NNMT: variants seen among roughly 807,000 people sequenced by gnomAD.
NNMT encodes the protein nicotinamide N-methyltransferase.
In NNMT, 10 loss-of-function variants were observed where a neutral mutation model predicts 11.7. The ratio of observed to expected loss-of-function variants is 0.85; its 90% confidence interval spans 0.53 to 1.45. The LOEUF is 1.45. Ranked by LOEUF, NNMT falls within the 40% of genes most tolerant of loss-of-function variation. The pLI is 0.00. For missense variants in NNMT, 381 were observed against 319.4 expected (o/e 1.19, Z -1.47); for synonymous variants, 143 against 133.8 (o/e 1.07, Z -0.48).
At chr11:114,295,512 C>T (rs1945367527), upstream of NNMT, among the ~76,000 whole-genome samples, 2 of 149,802 alleles carry the variant, frequency 1.3e-5, no homozygotes, top group South Asian at 2.1e-4. Flanking sequence ...GCAAGCTCCG[C>T]CCCCCGGGTT....
At chr11:114,299,798 T>A (rs1314153733) in intron 2 of NNMT, among the ~76,000 whole-genome samples, 1 of 151,992 alleles carries the variant, frequency 6.6e-6, no homozygotes, top group Admixed American at 6.6e-5. Flanking sequence ...ATTGGCATTT[T>A]TTTTTTTTTA....
At chr11:114,280,733 C>T (rs1335289794) in intron 2 of NNMT, among the ~76,000 whole-genome samples, 1 of 152,120 alleles carries the variant, frequency 6.6e-6, no homozygotes, top group Non-Finnish European at 1.5e-5. Context: ...AGGCACCTGA[C>T]CAAGACCTGT....
At chr11:114,290,067 T>C (rs1383227225) in intron 2 of NNMT, among the ~76,000 whole-genome samples, 1 of 152,182 alleles carries the variant, frequency 6.6e-6, no homozygotes, top group Non-Finnish European at 1.5e-5. Context: ...TCTACCTTCA[T>C]GACCTACCAC....
At chr11:114,305,680 A>C (rs932190367) in intron 2 of NNMT, among the ~76,000 whole-genome samples, 2 of 151,050 alleles carry the variant, frequency 1.3e-5, no homozygotes, top group Admixed American at 1.3e-4. Flanking sequence ...ACATGAACTC[A>C]TCATTTTTTA....
chr11:114,271,483 A>G (rs1945169787), intron 2 of NNMT, among the ~76,000 whole-genome samples: 1 of 152,226 alleles, frequency 6.6e-6, no homozygotes, highest in Non-Finnish European at 1.5e-5. Flanking sequence ...GTTATAGAGC[A>G]GGTGCTTTTT....
intron 2 of NNMT, among the ~76,000 whole-genome samples, chr11:114,284,090 C>T (rs754708419): frequency 2.6e-4 from 39 of 152,150 alleles, no homozygotes; most frequent in South Asian, 2.1e-4. Flanking sequence ...AGCAACAAGC[C>T]GAGGAGGAAA....
At position 114,261,743 on chromosome 11, in the gene NNMT, C is replaced by T. The variant is rs568467645; in HGVS notation, c.-216-1105C>T. Among the ~76,000 whole-genome samples the T allele has an allele frequency of 4.6e-5, 7 of 152,248 alleles. No homozygotes were observed. In the South Asian group the frequency reaches 8.3e-4, roughly 18 times the overall value. On this transcript the variant is annotated intron_variant, in intron 1 of 4. Coordinates refer to the NNMT transcript ENST00000535401. ...TACTCGGGGTTGGGGGACGGTGTTC[C>T]GCTGGGCCTTTCCAGAAGTCTTCCT...
At chr11:114,270,242 A>G (rs1454764405) in intron 2 of NNMT, 1 of 152,226 alleles carries the variant, frequency 6.6e-6, no homozygotes, top group African/African-American at 2.4e-5. Flanking sequence ...TTTAGATTAG[A>G]GCATTCAATA....
chr11:114,307,537 C>T (rs1189145036), intron 2 of NNMT, among the ~76,000 whole-genome samples: 1 of 152,160 alleles, frequency 6.6e-6, no homozygotes, highest in Admixed American at 6.5e-5. Flanking sequence ...CTCTGTTCTG[C>T]AGCCCAAGTG....
chr11:114,282,889 C>A (rs1945272224), intron 2 of NNMT, among the ~76,000 whole-genome samples: 2 of 152,244 alleles, frequency 1.3e-5, no homozygotes, highest in African/African-American at 4.8e-5. Flanking sequence ...TCTGTTACAT[C>A]ACTTAGCTTA....
At position 114,298,114 on chromosome 11, in the gene NNMT, C is replaced by A; in HGVS notation, c.318C>A (p.Asp106Glu). The part of the protein sequence containing the change: ...KWLKKEPEAF[D>E]WSPVVTYVCD... ...TGAAGAAAGAGCCAGAGGCCTTTGA[C>A]TGGTCCCCAGTGGTGACCTATGTGT... The change falls in exon 2 of 3, where the codon GAC (aspartate) becomes GAA (glutamate). Residue 106 changes from aspartate (D) to glutamate (E), a missense_variant. By Grantham distance (45) the Asp-to-Glu change is conservative (BLOSUM62 2). Transcript: ENST00000299964. 6.2e-7 allele frequency: 1 copy of A among 1,614,170 alleles called. No individual in the cohort carries two copies. The highest frequency in any genetic ancestry group is 8.5e-7 in the Non-Finnish European group (1 of 1,180,032).
At position 114,297,971 on chromosome 11, in the gene NNMT, C is replaced by A. The variant is rs913695336; in HGVS notation, c.175C>A (p.Leu59Met). ...FCLDGVKGDL[L>M]IDIGSGPTIY... Reference sequence around the variant, plus strand: ...TCCAGACGGTGTGAAGGGAGACCTGCTGATTGACATCGGCTCTGGCCCCAC... The same window carrying A: ...TCCAGACGGTGTGAAGGGAGACCTGATGATTGACATCGGCTCTGGCCCCAC... Residue 59 changes from leucine to methionine, a missense_variant, in exon 2 of 3, where the codon CTG (leucine) becomes ATG (methionine). Leu to Met is a conservative substitution (Grantham distance 15). Coordinates refer to ENST00000299964, the MANE Select transcript of NNMT (RefSeq NM_006169.3). The A allele has an allele frequency of 6.2e-7, 1 of 1,612,878 alleles. No homozygotes were observed.
At chr11:114,312,024 C>T in intron 2 of NNMT, 21 bp from the exon 3 acceptor site, 2 of 1,537,360 alleles carry the variant, frequency 1.3e-6, no homozygotes, top group Non-Finnish European at 1.8e-6. Context: ...AAAACAATGT[C>T]TGTGGGTTTG....
rs1250689757 is a variant in NNMT, at chr11:114,288,777, A to C, written c.-129-7651A>C. Among the ~76,000 whole-genome samples, 12 of 152,306 alleles carry C rather than the reference A, an allele frequency of 7.9e-5. No homozygotes were observed. In the East Asian group the frequency reaches 2.3e-3, roughly 29 times the overall value. ...TTAGTAATATGTCCAAAATGCTTAA[A>C]CCAGTTCCTGAAAAATAGTAAGCAC... On this transcript the variant is annotated intron_variant, in intron 2 of 4. Transcript: ENST00000535401.
chr11:114,295,055 G>C (rs1203973753), upstream of NNMT, among the ~76,000 whole-genome samples: 2 of 152,352 alleles, frequency 1.3e-5, no homozygotes. Flanking sequence ...GACGTCAGAG[G>C]CAGGATGTGC....
intron 2 of NNMT, among the ~76,000 whole-genome samples, chr11:114,264,629 G>A (rs55711917): frequency 0.051 from 7,809 of 152,188 alleles, 472 homozygotes; most frequent in African/African-American, 0.13. Context: ...CACAGGTTAA[G>A]GGTTCAGTCC....
upstream of NNMT, among the ~76,000 whole-genome samples, chr11:114,293,634 A>G (rs1440423029): frequency 6.6e-6 from 1 of 151,668 alleles, no homozygotes; most frequent in African/African-American, 2.4e-5. Context: ...AAAGGCAGAC[A>G]ATAACAAATG....
chr11:114,312,672 C>T lies in NNMT; in HGVS notation c.*195C>T, dbSNP rs879318296. The T allele has an allele frequency of 1.8e-6, 1 of 564,390 alleles. No individual in the cohort carries two copies. The highest frequency in any genetic ancestry group is 3.1e-6 in the Non-Finnish European group (1 of 320,408). 35.0% of individuals were successfully genotyped at this position (564,390 alleles called of 1,614,324 possible). A position where few individuals can be genotyped will look rare whatever the true frequency, so the allele number is the denominator to read the frequency against. ...TTGGTGCTGCACACAAATGTTGGTG[C>T]TATGGGACCCAAAGATGAGCAATTA... On this transcript the variant is annotated 3_prime_UTR_variant, in exon 3 of 3. Coordinates refer to ENST00000299964, the MANE Select transcript of NNMT (RefSeq NM_006169.3).
chr11:114,285,788 T>C (rs1055937601), intron 2 of NNMT, among the ~76,000 whole-genome samples: 3 of 152,100 alleles, frequency 2.0e-5, no homozygotes, highest in Non-Finnish European at 4.4e-5. Context: ...CCACCCACAA[T>C]TGCAGCAGGA....
Sources: gnomAD v4.1 joint callset for allele counts (sites outside exome capture counted in the v4.1 genomes callset) on GRCh38, gnomAD v4.1.1 for gene constraint, MANE v1.5 for transcripts, NCBI Gene and HGNC (gene_info 2026-07-23, HGNC 2026-07-21) for gene names.